Variants in CMC1 observed in about 807,000 individuals in gnomAD.
The protein encoded by CMC1 is C-X9-C motif containing 1.
In CMC1, 14 loss-of-function variants were observed where a neutral mutation model predicts 14.1. That is an observed-to-expected ratio of 0.99 (90% CI 0.66 to 1.55). The LOEUF is 1.55. Among genes scored for constraint, CMC1 ranks in the 40% most tolerant of loss-of-function variants. The probability of loss-of-function intolerance (pLI) is 0.00; values close to 1 mark genes in which losing one functional copy is unlikely to be tolerated. For missense variants in CMC1, 127 were observed against 123.8 expected (o/e 1.03, Z -0.12); for synonymous variants, 50 against 38.4 (o/e 1.30, Z -1.12).
At chr3:28,251,517 A>G (rs1699123173) in intron 1 of CMC1, among the ~76,000 whole-genome samples, 1 of 152,114 alleles carries the variant, frequency 6.6e-6, no homozygotes, top group African/African-American at 2.4e-5. Context: ...ACCATATCCA[A>G]ACCATATTGC....
chr3:28,259,935 A>C (rs1480143085), intron 1 of CMC1, among the ~76,000 whole-genome samples: 2 of 152,140 alleles, frequency 1.3e-5, no homozygotes, highest in Non-Finnish European at 2.9e-5. Context: ...TTTTAGTATT[A>C]AGTATGATGT....
At chr3:28,284,953 C>A (rs755119212) in intron 2 of CMC1, among the ~76,000 whole-genome samples, 8 of 152,136 alleles carry the variant, frequency 5.3e-5, no homozygotes, top group Non-Finnish European at 8.8e-5. Context: ...CCTTTACTAA[C>A]CCTGTTGCAC....
intron 1 of CMC1, among the ~76,000 whole-genome samples, chr3:28,256,528 C>T (rs1426948775): frequency 3.9e-5 from 6 of 152,076 alleles, no homozygotes; most frequent in African/African-American, 1.4e-4. Context: ...ATAACCCAGC[C>T]GAACTGACAC....
intron 2 of CMC1, among the ~76,000 whole-genome samples, chr3:28,266,711 A>T (rs1414868957): frequency 6.6e-6 from 1 of 152,154 alleles, no homozygotes; most frequent in Non-Finnish European, 1.5e-5. Flanking sequence ...TTGATTACAA[A>T]GGAGAATCCT....
At chr3:28,286,268 G>A (rs1310761232) in intron 2 of CMC1, among the ~76,000 whole-genome samples, 2 of 152,154 alleles carry the variant, frequency 1.3e-5, no homozygotes, top group Non-Finnish European at 2.9e-5. Flanking sequence ...TCTTTCTAAT[G>A]AAATAGCGTT....
chr3:28,308,820 T>TA (rs1702468377), intron 2 of CMC1, among the ~76,000 whole-genome samples: 1 of 151,892 alleles, frequency 6.6e-6, no homozygotes, highest in African/African-American at 2.4e-5. Flanking sequence ...CCATCTCTAC[T>TA]AAAATACAAA....
rs1362941582 is a variant in CMC1 at position 28,322,976 on chromosome 3, ATCTTTATTTCCT to A, written c.*3359_*3370del. Reference sequence around the variant, plus strand: ...AGAACTTAAATTTCCATGTGAAGCCATCTTTATTTCCTTCTTTATTTCCAAATAATTGGCCAC... The same window carrying A: ...AGAACTTAAATTTCCATGTGAAGCCATCTTTATTTCCAAATAATTGGCCAC... On this transcript the variant is annotated 3_prime_UTR_variant, in exon 4 of 4. Transcript: ENST00000466830. 1 of 150,954 alleles carries A rather than the reference ATCTTTATTTCCT, an allele frequency of 6.6e-6. No homozygotes were observed. Among genetic ancestry groups the A allele is most frequent in the Non-Finnish European group, 1.5e-5 (1 of 67,254 alleles). 9.4% of individuals were successfully genotyped at this position (150,954 alleles called of 1,614,324 possible).
At chr3:28,258,058 CTTTATATA>C (rs1353377363) in intron 1 of CMC1, among the ~76,000 whole-genome samples, 3 of 62,102 alleles carry the variant, frequency 4.8e-5, no homozygotes, top group Non-Finnish European at 3.4e-5. Context: ...TTTTGAGCAC[CTTTATATA>C]TATATATATA....
At chr3:28,279,052 T>C (rs1398449396) in intron 2 of CMC1, among the ~76,000 whole-genome samples, 1 of 152,188 alleles carries the variant, frequency 6.6e-6, no homozygotes, top group Non-Finnish European at 1.5e-5. Flanking sequence ...AGTAGCTCCA[T>C]TGCACAATTC....
intron 2 of CMC1, among the ~76,000 whole-genome samples, chr3:28,309,453 GA>G (rs1397446373): frequency 2.0e-5 from 3 of 152,046 alleles, no homozygotes; most frequent in Admixed American, 1.3e-4. Flanking sequence ...CACCCAGCAA[GA>G]AAATTAGGGG....
intron 1 of CMC1, among the ~76,000 whole-genome samples, chr3:28,245,119 A>G (rs1414563614): frequency 6.6e-6 from 1 of 151,990 alleles, no homozygotes; most frequent in Non-Finnish European, 1.5e-5. Context: ...CTGTTTTCCT[A>G]TTGGTTTATT....
intron 2 of CMC1, among the ~76,000 whole-genome samples, chr3:28,278,430 T>C (rs2125509949): frequency 6.6e-6 from 1 of 152,332 alleles, no homozygotes; most frequent in South Asian, 2.1e-4. Flanking sequence ...AGGAGTAGAA[T>C]GTTTGTACAA....
intron 2 of CMC1, among the ~76,000 whole-genome samples, chr3:28,270,762 C>T (rs1245016715): frequency 6.6e-6 from 1 of 151,902 alleles, no homozygotes; most frequent in Non-Finnish European, 1.5e-5. Context: ...TTAACTAGAT[C>T]CCATTTGTCA....
intron 2 of CMC1, among the ~76,000 whole-genome samples, chr3:28,278,372 A>C (rs1422961753): frequency 6.6e-6 from 1 of 152,170 alleles, no homozygotes; most frequent in Admixed American, 6.5e-5. Context: ...GCAGTGTGAA[A>C]CCACTTTATC....
intron 2 of CMC1, among the ~76,000 whole-genome samples, chr3:28,298,806 G>C (rs1425589684): frequency 2.0e-5 from 3 of 151,974 alleles, no homozygotes; most frequent in Non-Finnish European, 2.9e-5. Flanking sequence ...TAATTTCCCT[G>C]CTCAACAAAG....
Position 28,319,662 on chromosome 3 carries a change from T to C in CMC1, c.*33T>C. Reference sequence around the variant, plus strand: ...CTCAAATGACATTCAGGAACTCTAATATTCATGGAAGTCATTTTATAGTCC... The same window carrying C: ...CTCAAATGACATTCAGGAACTCTAACATTCATGGAAGTCATTTTATAGTCC... On this transcript the variant is annotated 3_prime_UTR_variant, in exon 4 of 4. Coordinates refer to ENST00000466830, the MANE Select transcript of CMC1 (RefSeq NM_182523.2). The C allele has an allele frequency of 6.4e-7, 1 of 1,563,392 alleles. No homozygotes were observed.
chr3:28,278,050 G>GTGTGATTGA (rs1277343136), intron 2 of CMC1, among the ~76,000 whole-genome samples: 1 of 152,048 alleles, frequency 6.6e-6, no homozygotes, highest in Non-Finnish European at 1.5e-5. Context: ...TTGTCTGATT[G>GTGTGATTGA]TGTGATTGAT....
intron 1 of CMC1, among the ~76,000 whole-genome samples, chr3:28,257,463 T>A (rs1699473766): frequency 6.6e-6 from 1 of 152,210 alleles, no homozygotes; most frequent in Admixed American, 6.5e-5. Context: ...AGTTTTTGGC[T>A]ATTCTGAATA....
Position 28,280,989 on chromosome 3 carries a change from T to A in CMC1, c.109+17609T>A, listed in dbSNP as rs115779084. Among the ~76,000 whole-genome samples, 388 of 152,246 alleles carry A rather than the reference T, an allele frequency of 2.5e-3. 2 individuals carry two copies. Among genetic ancestry groups the A allele is most frequent in the African/African-American group, 8.8e-3 (366 of 41,560 alleles). ...CTGCTTTCACACTACAGCAGTAGAGTTGGGTAGTTGCAACAGAGACCATAT... is the reference window on the plus strand; with the variant it reads ...CTGCTTTCACACTACAGCAGTAGAGATGGGTAGTTGCAACAGAGACCATAT... On this transcript the variant is annotated intron_variant, in intron 2 of 3. Coordinates refer to ENST00000466830, the MANE Select transcript of CMC1 (RefSeq NM_182523.2).
Sources: allele counts gnomAD v4.1 joint callset (sites outside exome capture counted in the v4.1 genomes callset), GRCh38; gene constraint gnomAD v4.1.1; transcripts MANE v1.5; gene names NCBI Gene and HGNC (gene_info 2026-07-23, HGNC 2026-07-21).